Variants in CNTN6 observed in about 807,000 individuals in gnomAD.
The protein encoded by CNTN6 is contactin 6.
A neutral mutation model predicts 122.8 loss-of-function variants in CNTN6; 137 were observed. That is an observed-to-expected ratio of 1.12 (90% CI 0.97 to 1.29). The LOEUF (loss-of-function observed/expected upper bound fraction) is 1.29, where lower values mean the gene tolerates loss of function less well. CNTN6 is among the 50% of genes most tolerant of loss of function. CNTN6 has a pLI of 0.00. For missense variants in CNTN6, 1,634 were observed against 1,223.4 expected, an observed-to-expected ratio of 1.34 and a Z score of -5.01; for synonymous variants, 570 against 426.0, an observed-to-expected ratio of 1.34 and a Z score of -4.16.
intron 1 of CNTN6, among the ~76,000 whole-genome samples, chr3:1,106,258 C>T (rs1448453142): frequency 1.3e-5 from 2 of 152,078 alleles, no homozygotes; most frequent in Non-Finnish European, 2.9e-5. Context: ...TCTTCAAAAA[C>T]CCTCCCCAAA....
intron 16 of CNTN6, among the ~76,000 whole-genome samples, chr3:1,376,039 A>C (rs1195647853): frequency 6.6e-6 from 1 of 151,890 alleles, no homozygotes; most frequent in African/African-American, 2.4e-5. Flanking sequence ...TCAACCAACC[A>C]CCTCTCCTAT....
chr3:1,378,869 T>C (rs2126163338), intron 17 of CNTN6, among the ~76,000 whole-genome samples: 1 of 152,280 alleles, frequency 6.6e-6, no homozygotes, highest in East Asian at 1.9e-4. Context: ...AGTCCTTGAG[T>C]ATATCTACCT....
chr3:1,203,721 T>G (rs949736115), intron 2 of CNTN6, among the ~76,000 whole-genome samples: 2 of 152,194 alleles, frequency 1.3e-5, no homozygotes, highest in Non-Finnish European at 2.9e-5. Flanking sequence ...AATGCACGCT[T>G]GGGGTGCGTA....
intron 7 of CNTN6, among the ~76,000 whole-genome samples, chr3:1,319,995 C>A (rs1390096202): frequency 1.3e-5 from 2 of 151,496 alleles, no homozygotes; most frequent in Non-Finnish European, 3.0e-5. Context: ...TTGTGAATAT[C>A]TATGTGAATA....
At chr3:1,102,686 C>T (rs560609573) in intron 1 of CNTN6, among the ~76,000 whole-genome samples, 2 of 149,832 alleles carry the variant, frequency 1.3e-5, no homozygotes, top group African/African-American at 2.4e-5. Context: ...AGAGATGGCG[C>T]CACCGCCCTC....
chr3:1,329,760 A>G (rs1702028987), intron 10 of CNTN6, 25 bp from the exon 11 acceptor site: 2 of 1,595,988 alleles, frequency 1.3e-6, no homozygotes, highest in South Asian at 2.3e-5. Context: ...TAATTAAACA[A>G]TTTTGTCTTT....
chr3:1,117,316 G>C (rs2091763928), intron 1 of CNTN6, among the ~76,000 whole-genome samples: 1 of 152,148 alleles, frequency 6.6e-6, no homozygotes, highest in African/African-American at 2.4e-5. Flanking sequence ...GGTAGCCAGA[G>C]AGGTAAGAAA....
In CNTN6 at chr3:1,328,932, G is replaced by A. The variant is rs976843763; in HGVS notation, c.1214-853G>A. Among the ~76,000 whole-genome samples, 11 of 151,590 alleles carry A rather than the reference G, an allele frequency of 7.3e-5. No homozygotes were observed. The South Asian group carries it at 1.0e-3, about 14-fold the overall frequency. ...ACATATATTTAGTGGGGAAAAAACCGACATAGTGATACAGCATTTCTGATT... is the reference window on the plus strand; with the variant it reads ...ACATATATTTAGTGGGGAAAAAACCAACATAGTGATACAGCATTTCTGATT... On this transcript the variant is annotated intron_variant, in intron 10 of 22. Transcript: ENST00000446702.
intron 4 of CNTN6, among the ~76,000 whole-genome samples, chr3:1,237,379 G>C (rs190246861): frequency 1.3e-5 from 2 of 151,962 alleles, no homozygotes; most frequent in African/African-American, 4.8e-5. Context: ...AATGAGCAAA[G>C]CTTCCAAGAA....
At chr3:1,273,306 C>T (rs1352575091) in intron 4 of CNTN6, among the ~76,000 whole-genome samples, 5 of 152,214 alleles carry the variant, frequency 3.3e-5, no homozygotes, top group Admixed American at 6.5e-5. Flanking sequence ...AGAACGATCT[C>T]ATTCTAAGCA....
chr3:1,301,057 G>A (rs1322768347), intron 7 of CNTN6, among the ~76,000 whole-genome samples: 68 of 81,192 alleles, frequency 8.4e-4, no homozygotes, highest in Admixed American at 2.3e-3. Flanking sequence ...TTTTTTTTGA[G>A]ACGGAGTCTA....
intron 2 of CNTN6, chr3:1,173,177 A>T (rs780949049): frequency 1.9e-4 from 87 of 455,548 alleles, no homozygotes; most frequent in Non-Finnish European, 3.2e-4. Context: ...GACATTTTGA[A>T]GGATCACTCT....
At chr3:1,169,481 G>C (rs1430768611) in intron 2 of CNTN6, among the ~76,000 whole-genome samples, 4 of 152,202 alleles carry the variant, frequency 2.6e-5, no homozygotes, top group African/African-American at 9.6e-5. Context: ...GGATACTGCA[G>C]ATAATGATGA....
chr3:1,386,691 A>AAACACATTTTTTTGCTCTCT (rs977977032), intron 20 of CNTN6, among the ~76,000 whole-genome samples: 1 of 151,224 alleles, frequency 6.6e-6, no homozygotes, highest in African/African-American at 2.5e-5. Context: ...AGACTTTTTA[A>AAACACATTTTTTTGCTCTCT]AACACATTTT....
At chr3:1,215,415 G>T (rs564452783) in intron 2 of CNTN6, among the ~76,000 whole-genome samples, 2 of 152,256 alleles carry the variant, frequency 1.3e-5, no homozygotes, top group East Asian at 3.9e-4. Context: ...GACTTTCAGT[G>T]GGTATCTGTT....
intron 12 of CNTN6, among the ~76,000 whole-genome samples, chr3:1,363,237 C>T (rs1032553992): frequency 4.0e-5 from 6 of 151,786 alleles, no homozygotes; most frequent in East Asian, 1.9e-4. Flanking sequence ...TGTGTCTCTG[C>T]GATGAGAACA....
intron 1 of CNTN6, among the ~76,000 whole-genome samples, chr3:1,143,042 C>T (rs1413666403): frequency 1.4e-5 from 2 of 140,774 alleles, no homozygotes; most frequent in African/African-American, 5.4e-5. Context: ...CATCAACCAA[C>T]ATCTCTGTTT....
At chr3:1,305,088 G>T (rs945496107) in intron 7 of CNTN6, among the ~76,000 whole-genome samples, 3 of 151,552 alleles carry the variant, frequency 2.0e-5, no homozygotes, top group Admixed American at 2.0e-4. Flanking sequence ...TCAAAAATCA[G>T]GTTTATACAC....
intron 4 of CNTN6, among the ~76,000 whole-genome samples, chr3:1,268,393 G>A (rs887345886): frequency 3.3e-5 from 5 of 152,074 alleles, no homozygotes; most frequent in African/African-American, 1.2e-4. Flanking sequence ...GGATCACGAG[G>A]TCAGGAGATC....
Sources: allele counts gnomAD v4.1 joint callset (sites outside exome capture counted in the v4.1 genomes callset), GRCh38; gene constraint gnomAD v4.1.1; transcripts MANE v1.5; gene names NCBI Gene and HGNC (gene_info 2026-07-23, HGNC 2026-07-21).